Variants in FOXP2 observed in about 807,000 individuals in gnomAD.
FOXP2 encodes the protein forkhead box P2.
Under a neutral mutation model 115.8 loss-of-function variants are expected in FOXP2, and 12 were observed. The ratio of observed to expected loss-of-function variants is 0.10; its 90% CI spans 0.07 to 0.17. The LOEUF (loss-of-function observed/expected upper bound fraction) is 0.17. FOXP2 is among the 10% of genes least tolerant of loss of function. FOXP2 has a pLI of 1.00. For synonymous variants in FOXP2, 328 were observed against 297.7 expected (o/e 1.10, Z -1.05); for missense variants, 629 against 843.5 (o/e 0.75, Z 3.15).
At chr7:114,487,392 C>A (rs1488946297) in intron 2 of FOXP2, among the ~76,000 whole-genome samples, 2 of 152,020 alleles carry the variant, frequency 1.3e-5, no homozygotes, top group Non-Finnish European at 2.9e-5. Context: ...ACCATTTTTT[C>A]CTCCTAAGCC....
intron 3 of FOXP2, among the ~76,000 whole-genome samples, chr7:114,576,977 A>G (rs1200732678): frequency 2.0e-5 from 3 of 151,908 alleles, no homozygotes; most frequent in South Asian, 4.1e-4. Context: ...CACATATCTA[A>G]GCAATTATAT....
intron 2 of FOXP2, among the ~76,000 whole-genome samples, chr7:114,323,094 G>T (rs193085539): frequency 2.6e-4 from 39 of 152,108 alleles, no homozygotes; most frequent in African/African-American, 6.7e-4. Context: ...ATATATCAAG[G>T]CATGTCTATG....
intron 1 of FOXP2, among the ~76,000 whole-genome samples, chr7:114,255,382 A>G (rs1795581652): frequency 6.6e-6 from 1 of 152,184 alleles, no homozygotes. Flanking sequence ...ATGCCCTGCC[A>G]TCAGAGGTGG....
chr7:114,340,255 G>A (rs1791170072), intron 2 of FOXP2, among the ~76,000 whole-genome samples: 1 of 151,078 alleles, frequency 6.6e-6, no homozygotes, highest in South Asian at 2.1e-4. Context: ...AGATGATGAT[G>A]TCAGTAAATT....
At chr7:114,469,884 C>T (rs1795973500) in intron 2 of FOXP2, among the ~76,000 whole-genome samples, 1 of 152,010 alleles carries the variant, frequency 6.6e-6, no homozygotes, top group African/African-American at 2.4e-5. Flanking sequence ...AACCATGAAG[C>T]TATTTAAATT....
intron 3 of FOXP2, among the ~76,000 whole-genome samples, chr7:114,623,872 T>A (rs1804386910): frequency 6.6e-6 from 1 of 151,900 alleles, no homozygotes; most frequent in African/African-American, 2.4e-5. Context: ...GTCACACTAT[T>A]TCCCTGCTGC....
At chr7:114,353,755 G>A (rs1376638283) in intron 2 of FOXP2, among the ~76,000 whole-genome samples, 1 of 151,912 alleles carries the variant, frequency 6.6e-6, no homozygotes, top group Non-Finnish European at 1.5e-5. Context: ...TGATCTGTAG[G>A]CCACTTTGTA....
intron 1 of FOXP2, among the ~76,000 whole-genome samples, chr7:114,417,141 C>T (rs1793384798): frequency 6.6e-6 from 1 of 151,842 alleles, no homozygotes; most frequent in Admixed American, 6.6e-5. Context: ...TTTAATACTC[C>T]TATGCATAAT....
At chr7:114,262,989 C>G (rs1485090250) in intron 1 of FOXP2, among the ~76,000 whole-genome samples, 1 of 152,154 alleles carries the variant, frequency 6.6e-6, no homozygotes, top group African/African-American at 2.4e-5. Context: ...TCCACTAATT[C>G]CCTACACTCT....
At chr7:114,427,834 T>C (rs1793925837) in intron 2 of FOXP2, among the ~76,000 whole-genome samples, 1 of 151,664 alleles carries the variant, frequency 6.6e-6, no homozygotes, top group Non-Finnish European at 1.5e-5. Context: ...GGCATTGTTT[T>C]CAAGAATAAT....
At chr7:114,637,481 TC>T (rs1805284429) in intron 6 of FOXP2, among the ~76,000 whole-genome samples, 1 of 152,150 alleles carries the variant, frequency 6.6e-6, no homozygotes, top group African/African-American at 2.4e-5. Context: ...GTCCACAGAT[TC>T]CCAGAGTATG....
intron 1 of FOXP2, among the ~76,000 whole-genome samples, chr7:114,168,986 A>T (rs1389130389): frequency 6.6e-6 from 1 of 152,226 alleles, no homozygotes; most frequent in African/African-American, 2.4e-5. Context: ...GGTACACAGA[A>T]GTCAAGAATT....
At chr7:114,463,140 G>A (rs903953158) in intron 2 of FOXP2, 19 of 388,708 alleles carry the variant, frequency 4.9e-5, no homozygotes, top group Non-Finnish European at 8.3e-5. Context: ...GCAGTCCTCC[G>A]ACCTCAGCCT....
intron 1 of FOXP2, among the ~76,000 whole-genome samples, chr7:114,271,956 T>A (rs1382339025): frequency 7.5e-6 from 1 of 132,836 alleles, no homozygotes; most frequent in East Asian, 2.2e-4. Context: ...TATTTATTAT[T>A]ATATTAATTA....
chr7:114,306,888 ACT>A (rs1797027019), intron 2 of FOXP2, among the ~76,000 whole-genome samples: 2 of 151,800 alleles, frequency 1.3e-5, no homozygotes, highest in Non-Finnish European at 2.9e-5. Context: ...ACATCACATA[ACT>A]CTGACATTGG....
At chr7:114,613,559 C>T (rs1803749916) in intron 3 of FOXP2, among the ~76,000 whole-genome samples, 1 of 151,600 alleles carries the variant, frequency 6.6e-6, no homozygotes, top group South Asian at 2.1e-4. Context: ...CCTGTAGTCC[C>T]AGCTACTCGG....
At chr7:114,250,879 A>G (rs554201172) in intron 1 of FOXP2, among the ~76,000 whole-genome samples, 11 of 152,304 alleles carry the variant, frequency 7.2e-5, no homozygotes, top group African/African-American at 2.4e-4. Context: ...GCCCATGCCT[A>G]TATCCTCAAT....
Position 114,397,366 on chromosome 7 carries a change from G to A in FOXP2, c.-10-29136G>A, listed in dbSNP as rs555215964. ...CAAGACAGATATGTTTCCTGTTTTCGTGGAACCTGAGAGAAAGCAACAGAC... is the reference window on the plus strand; with the variant it reads ...CAAGACAGATATGTTTCCTGTTTTCATGGAACCTGAGAGAAAGCAACAGAC... On this transcript the variant is annotated intron_variant, in intron 2 of 17. Coordinates refer to the FOXP2 transcript ENST00000634411. Among the ~76,000 whole-genome samples the A allele has an allele frequency of 6.6e-5, 10 of 152,092 alleles. No homozygotes were observed. In the East Asian group the frequency reaches 1.2e-3, roughly 18 times the overall value.
chr7:114,399,211 G>A (rs528016581), intron 2 of FOXP2, among the ~76,000 whole-genome samples: 1 of 150,810 alleles, frequency 6.6e-6, no homozygotes, highest in East Asian at 2.0e-4. Flanking sequence ...CAATTCAAGT[G>A]ATTCTCCTGA....
Sources: allele counts gnomAD v4.1 joint callset (sites outside exome capture counted in the v4.1 genomes callset), GRCh38; gene constraint gnomAD v4.1.1; transcripts MANE v1.5; gene names NCBI Gene and HGNC (gene_info 2026-07-23, HGNC 2026-07-21).